The following POLR3B variants were observed in gnomAD, a reference collection of about 807,000 sequenced individuals.
POLR3B encodes DNA-directed RNA polymerase III subunit RPC2.
In POLR3B, 96 loss-of-function variants were observed where a neutral mutation model predicts 147.4. That is an observed-to-expected ratio of 0.65 (90% CI 0.55 to 0.77). The LOEUF is 0.77. POLR3B is among the 30% of genes least tolerant of loss of function. The pLI, the probability that POLR3B is intolerant of heterozygous loss-of-function variation, is 0.00. For synonymous variants in POLR3B, 461 were observed against 485.9 expected (o/e 0.95, Z 0.67); for missense variants, 1,036 against 1,413.5 (o/e 0.73, Z 4.28).
intron 6 of POLR3B, among the ~76,000 whole-genome samples, chr12:106,372,342 T>G (rs79102961): frequency 2.7e-5 from 4 of 147,662 alleles, no homozygotes; most frequent in Admixed American, 6.8e-5. Flanking sequence ...TGTTTTTTTT[T>G]TTTTTTTTTT....
intron 10 of POLR3B, among the ~76,000 whole-genome samples, chr12:106,398,345 T>G (rs1198963663): frequency 2.0e-5 from 3 of 152,190 alleles, no homozygotes; most frequent in Non-Finnish European, 4.4e-5. Flanking sequence ...AAGCTCGAAC[T>G]GGGTGGAGCC....
chr12:106,405,729 G>A, intron 10 of POLR3B, 128 bp from the exon 11 acceptor site: 5 of 852,576 alleles, frequency 5.9e-6, no homozygotes, highest in Non-Finnish European at 5.8e-6. Context: ...TTTTCAACTA[G>A]ACCCAGTACA....
chr12:106,361,903 G>A (rs2036474834), intron 1 of POLR3B, among the ~76,000 whole-genome samples: 1 of 152,178 alleles, frequency 6.6e-6, no homozygotes, highest in Admixed American at 6.5e-5. Flanking sequence ...GGAATGTGAG[G>A]GGGCATCAAG....
chr12:106,444,361 A>G, intron 18 of POLR3B, 102 bp from the exon 19 acceptor site: 2 of 1,115,248 alleles, frequency 1.8e-6, no homozygotes, highest in Non-Finnish European at 2.7e-6. Flanking sequence ...ATTGACATAT[A>G]AATCCCTGGA....
In POLR3B at chr12:106,496,866, C is replaced by T. The variant is rs747972980; in HGVS notation, c.2932C>T (p.Arg978Cys). The change falls in exon 25 of 28, where the codon CGC (arginine) becomes TGC (cysteine). Residue 978 changes from arginine (R) to cysteine (C), a missense_variant. Arg to Cys is a radical substitution (Grantham distance 180). Coordinates refer to ENST00000228347, the MANE Select transcript of POLR3B (RefSeq NM_018082.6). Reference protein sequence around the residue: ...KVKDVCEDLVRHGYNYLGKDY... With the variant: ...KVKDVCEDLVCHGYNYLGKDY... ...GAAGGATGTGTGTGAGGACCTCGTT[C>T]GCCATGGTTATAACTACTTGGGGAA... is the stretch of plus-strand genomic sequence containing the variant. 3.1e-5 allele frequency: 50 copies of T among 1,613,894 alleles called. No homozygotes were observed. Among genetic ancestry groups the T allele is most frequent in the Non-Finnish European group, 3.7e-5 (44 of 1,179,980 alleles).
chr12:106,430,128 G>T (rs980520906), intron 13 of POLR3B, 145 bp from the exon 14 acceptor site: 9 of 742,074 alleles, frequency 1.2e-5, no homozygotes, highest in Admixed American at 5.6e-5. Flanking sequence ...CATTTTAATT[G>T]TGACACTTTG....
chr12:106,360,153 G>A (rs918391687), intron 1 of POLR3B, among the ~76,000 whole-genome samples: 1 of 152,182 alleles, frequency 6.6e-6, no homozygotes, highest in African/African-American at 2.4e-5. Flanking sequence ...GGCCTACCTG[G>A]CACCTGACTT....
rs113748638 is a variant in POLR3B, at chr12:106,486,061, G to A, written c.2714-9994G>A. On this transcript the variant is annotated intron_variant, in intron 23 of 27. Transcript: ENST00000228347. The stretch of plus-strand genomic sequence containing the variant: ...TCCCAGCACTTTGGGAGGCCGAGGC[G>A]GGCAGATCACGAGGTCAAGAGATCG... 2.0e-4 allele frequency among the ~76,000 whole-genome samples: 30 copies of A among 151,974 alleles called. 1 individual carries two copies. The highest frequency in any genetic ancestry group is 6.3e-4 in the African/African-American group (26 of 41,456).
chr12:106,461,888 C>T (rs1333541495), intron 22 of POLR3B, among the ~76,000 whole-genome samples: 1 of 152,170 alleles, frequency 6.6e-6, no homozygotes, highest in Non-Finnish European at 1.5e-5. Flanking sequence ...TCTCAGCACT[C>T]CAGTCACCCT....
intron 23 of POLR3B, among the ~76,000 whole-genome samples, chr12:106,478,349 C>T (rs1000305195): frequency 1.3e-5 from 2 of 152,274 alleles, no homozygotes; most frequent in Non-Finnish European, 1.5e-5. Flanking sequence ...TGTTCATTAA[C>T]AGGCATGGTT....
chr12:106,449,970 G>C (rs968775092), intron 19 of POLR3B, among the ~76,000 whole-genome samples: 3 of 152,048 alleles, frequency 2.0e-5, no homozygotes, highest in Non-Finnish European at 4.4e-5. Flanking sequence ...ATAAGTTGGA[G>C]GATTTATACA....
intron 23 of POLR3B, among the ~76,000 whole-genome samples, chr12:106,477,788 G>C (rs1310495230): frequency 6.6e-6 from 1 of 151,590 alleles, no homozygotes. Context: ...AGATGAACCC[G>C]GTACCTCAGA....
chr12:106,388,432 C>G (rs564121168), intron 9 of POLR3B, among the ~76,000 whole-genome samples: 1 of 152,264 alleles, frequency 6.6e-6, no homozygotes, highest in South Asian at 2.1e-4. Flanking sequence ...ATTCTTCTGC[C>G]TCAGCCTCCC....
chr12:106,459,435 C>A (rs922673288), intron 22 of POLR3B, 67 bp downstream of exon 22: 2 of 887,636 alleles, frequency 2.3e-6, no homozygotes, highest in Admixed American at 3.4e-5. Context: ...GGGAGAAATT[C>A]GAAGTTAGGT....
At chr12:106,484,782 G>A (rs556087830) in intron 23 of POLR3B, among the ~76,000 whole-genome samples, 1 of 152,202 alleles carries the variant, frequency 6.6e-6, no homozygotes, top group African/African-American at 2.4e-5. Flanking sequence ...AGCCAGCCGA[G>A]CAAAAGTCTG....
Position 106,466,223 on chromosome 12 carries a change from T to C in POLR3B, c.2713+2603T>C, listed in dbSNP as rs183273051. Among the ~76,000 whole-genome samples, 525 of 152,344 alleles carry C rather than the reference T, an allele frequency of 3.4e-3. 10 individuals carry two copies. The highest frequency in any genetic ancestry group is 0.03 in the Admixed American group (463 of 15,298). On this transcript the variant is annotated intron_variant, in intron 23 of 27. Coordinates refer to ENST00000228347, the MANE Select transcript of POLR3B (RefSeq NM_018082.6). ...ACTAGTGATGATGAGCATTTTTTCA[T>C]ATGTCTGTTGGCTGCATAAATGTCT...
chr12:106,380,861 C>T (rs1008646666), intron 9 of POLR3B, among the ~76,000 whole-genome samples: 7 of 152,136 alleles, frequency 4.6e-5, no homozygotes, highest in Non-Finnish European at 8.8e-5. Context: ...AGGCATACTT[C>T]GGAGATATTG....
chr12:106,425,433 G>A (rs1347316806), intron 12 of POLR3B, among the ~76,000 whole-genome samples: 1 of 152,150 alleles, frequency 6.6e-6, no homozygotes, highest in Non-Finnish European at 1.5e-5. Context: ...GGAGAGCCTG[G>A]GGGATTAGGG....
At chr12:106,490,355 T>C (rs1032129457) in intron 23 of POLR3B, among the ~76,000 whole-genome samples, 4 of 152,252 alleles carry the variant, frequency 2.6e-5, no homozygotes, top group Non-Finnish European at 4.4e-5. Flanking sequence ...CTTTGTGCGC[T>C]TCAGACTATG....
Sources: gnomAD v4.1 joint callset for allele counts (sites outside exome capture counted in the v4.1 genomes callset) on GRCh38, gnomAD v4.1.1 for gene constraint, MANE v1.5 for transcripts, NCBI Gene and HGNC (gene_info 2026-07-23, HGNC 2026-07-21) for gene names.